The following PPM1K variants were observed in gnomAD, a reference collection of about 807,000 sequenced individuals.
PPM1K encodes protein phosphatase, Mg2+/Mn2+ dependent 1K, also known as protein phosphatase Mn(2+)-dependent 1K.
Under a neutral mutation model 32.6 loss-of-function variants are expected in PPM1K, and 19 were observed. The observed-to-expected ratio is 0.58, with a 90% CI of 0.41 to 0.86. The LOEUF is 0.86. Among genes scored for constraint, PPM1K ranks in the 40% least tolerant of loss-of-function variants. The pLI is 0.00. For missense variants in PPM1K, 362 were observed against 461.2 expected (o/e 0.78, Z 1.97); for synonymous variants, 159 against 165.3 (o/e 0.96, Z 0.29).
chr4:88,271,156 T>C (rs1427929514), intron 3 of PPM1K: 2 of 517,468 alleles, frequency 3.9e-6, no homozygotes, highest in Non-Finnish European at 7.7e-6. Flanking sequence ...GTCCACGGGC[T>C]CCAGGTCTAG....
At chr4:88,266,031 GA>G (rs1183673563) in intron 5 of PPM1K, among the ~76,000 whole-genome samples, 3 of 152,282 alleles carry the variant, frequency 2.0e-5, no homozygotes, top group South Asian at 4.1e-4. Context: ...TACTTATTTT[GA>G]ACAGAGCCCA....
chr4:88,268,618 C>T, intron 4 of PPM1K, 123 bp downstream of exon 4: 1 of 1,105,010 alleles, frequency 9.0e-7, no homozygotes, highest in South Asian at 1.5e-5. Context: ...GAGACTCTGT[C>T]TCAAAAAAAC....
intron 3 of PPM1K, among the ~76,000 whole-genome samples, chr4:88,271,415 G>A (rs1731552662): frequency 6.6e-6 from 1 of 152,130 alleles, no homozygotes; most frequent in Non-Finnish European, 1.5e-5. Flanking sequence ...TTTTGTAGTT[G>A]AGCCTATTTT....
At chr4:88,280,328 T>C (rs1055116685) in intron 1 of PPM1K, among the ~76,000 whole-genome samples, 1 of 152,206 alleles carries the variant, frequency 6.6e-6, no homozygotes, top group African/African-American at 2.4e-5. Context: ...AAACAAGTAA[T>C]GTATCATCAA....
intron 3 of PPM1K, among the ~76,000 whole-genome samples, chr4:88,270,179 T>A (rs998914745): frequency 9.2e-5 from 14 of 152,186 alleles, no homozygotes; most frequent in Non-Finnish European, 1.5e-4. Flanking sequence ...TTTTGAAAAC[T>A]TCATCAGTAA....
rs1018061687 is a variant in PPM1K at position 88,258,205 on chromosome 4, CTTA to C, written c.*4387_*4389del. ...TGCTAAAGAAAAATAGAAGCATTTT[CTTA>C]TTATCATATTACCATGAAATTAAAT... On this transcript the variant is annotated 3_prime_UTR_variant, in exon 7 of 7. Transcript: ENST00000608933. 3 of 152,060 alleles carry C rather than the reference CTTA, an allele frequency of 2.0e-5. No homozygotes were observed. The highest frequency in any genetic ancestry group is 2.9e-5 in the Non-Finnish European group (2 of 68,012). The allele number at this position is 152,060 out of a possible 1,614,324, so 9.4% of individuals were successfully genotyped here. A position where few individuals can be genotyped will look rare whatever the true frequency, so the allele number is the denominator to read the frequency against.
At chr4:88,268,424 C>T (rs1297269822) in intron 4 of PPM1K, 90 bp from the exon 5 acceptor site, 4 of 1,437,698 alleles carry the variant, frequency 2.8e-6, no homozygotes, top group East Asian at 2.3e-5. Context: ...AGATCGAGAC[C>T]ATCCTGGCTA....
chr4:88,272,028 G>A (rs941459687), intron 3 of PPM1K, among the ~76,000 whole-genome samples: 1 of 152,124 alleles, frequency 6.6e-6, no homozygotes, highest in African/African-American at 2.4e-5. Context: ...GATCAAGATT[G>A]TGAATGCCAA....
chr4:88,282,135 T>G (rs545977434), intron 1 of PPM1K, among the ~76,000 whole-genome samples: 1 of 152,278 alleles, frequency 6.6e-6, no homozygotes, highest in South Asian at 2.1e-4. Flanking sequence ...CAGGGGAGAT[T>G]TAGGTCAATT....
rs1038050587 is a variant in PPM1K at position 88,275,122 on chromosome 4, C to T, written c.541+2021G>A. The T allele has an allele frequency of 1.5e-5, 9 of 587,078 alleles. No homozygotes were observed. In the Admixed American group the frequency reaches 5.1e-4, roughly 33 times the overall value. The allele number at this position is 587,078 out of a possible 1,614,324, so 36.4% of individuals were successfully genotyped here. A position where few individuals can be genotyped will look rare whatever the true frequency, so the allele number is the denominator to read the frequency against. Reference sequence around the variant, plus strand: ...TCTTAAGAATGTTCTGGGATCATTACTTCAAAGCATATGATAGAGGAATTA... The same window carrying T: ...TCTTAAGAATGTTCTGGGATCATTATTTCAAAGCATATGATAGAGGAATTA... On this transcript the variant is annotated intron_variant, in intron 3 of 6. Transcript: ENST00000608933.
chr4:88,266,866 G>A (rs1731336444), intron 5 of PPM1K, among the ~76,000 whole-genome samples: 2 of 150,000 alleles, frequency 1.3e-5, no homozygotes, highest in Admixed American at 1.3e-4. Flanking sequence ...AGGTGATGTT[G>A]GCTGATTGGG....
At chr4:88,281,726 C>T (rs1732016503) in intron 1 of PPM1K, among the ~76,000 whole-genome samples, 1 of 152,144 alleles carries the variant, frequency 6.6e-6, no homozygotes, top group Admixed American at 6.6e-5. Context: ...TGCAATGTAA[C>T]TAAATCATAT....
intron 6 of PPM1K, among the ~76,000 whole-genome samples, chr4:88,263,139 C>T (rs995991917): frequency 6.6e-6 from 1 of 151,966 alleles, no homozygotes; most frequent in Non-Finnish European, 1.5e-5. Context: ...GGAAATTTAC[C>T]CTAATGGAAT....
Position 88,278,063 on chromosome 4 carries a change from T to A in PPM1K, c.440+81A>T. ...ACCACTCAAGTAACTATGTTTACGC[T>A]GGAAGCCTCAGCCAAAGGGTGAAAG... On this transcript the variant is annotated intron_variant, in intron 2 of 6. Transcript: ENST00000608933. The surrounding 1 kb of genome is among the most constrained non-coding windows in gnomAD (Gnocchi z 4.2). 8.4e-7 allele frequency: 1 copy of A among 1,197,396 alleles called. No individual in the cohort carries two copies. Among genetic ancestry groups the A allele is most frequent in the Non-Finnish European group, 1.2e-6 (1 of 842,370 alleles). 74.2% of individuals were successfully genotyped at this position (1,197,396 alleles called of 1,614,324 possible).
chr4:88,283,408 T>G (rs1380861156), intron 1 of PPM1K, among the ~76,000 whole-genome samples: 1 of 152,238 alleles, frequency 6.6e-6, no homozygotes, highest in Non-Finnish European at 1.5e-5. Flanking sequence ...ACCGGTCTCA[T>G]TGCTCTTTTT....
chr4:88,277,633 T>C (rs1042579666), intron 2 of PPM1K: 1 of 192,706 alleles, frequency 5.2e-6, no homozygotes, highest in Non-Finnish European at 1.1e-5. Context: ...TCTTTCAATT[T>C]TAGCAGTAAT....
rs1578305967 is a variant in PPM1K, at chr4:88,257,809, G to T, written c.*4786C>A. On this transcript the variant is annotated 3_prime_UTR_variant, in exon 7 of 7. Transcript: ENST00000608933. ...AAATTACAAAACAAATGTACACAAG[G>T]GCACTTCAGTAGAAATTAAATCAGT... 2 of 152,248 alleles carry T rather than the reference G, an allele frequency of 1.3e-5. No homozygotes were observed. Among genetic ancestry groups the T allele is most frequent in the East Asian group, 3.9e-4 (2 of 5,184 alleles). 9.4% of individuals were successfully genotyped at this position (152,248 alleles called of 1,614,324 possible).
At chr4:88,277,594 A>G (rs959985909) in intron 2 of PPM1K, 3 of 214,990 alleles carry the variant, frequency 1.4e-5, no homozygotes, top group Non-Finnish European at 2.8e-5. Context: ...AAATAGTCAC[A>G]TGGTCGTAAC....
At chr4:88,275,858 T>G in intron 3 of PPM1K, 1 of 985,452 alleles carries the variant, frequency 1.0e-6, no homozygotes. Flanking sequence ...TGCATAAAGT[T>G]TACCTCTTTC....
Sources: gnomAD v4.1 joint callset for allele counts (sites outside exome capture counted in the v4.1 genomes callset) on GRCh38, gnomAD v4.1.1 for gene constraint, Gnocchi (gnomAD v3.1) non-coding constraint, MANE v1.5 for transcripts, NCBI Gene and HGNC (gene_info 2026-07-23, HGNC 2026-07-21) for gene names.